TRIM8: variants seen among roughly 807,000 people sequenced by gnomAD.
TRIM8 encodes the protein tripartite motif containing 8, also known as E3 ubiquitin-protein ligase TRIM8.
In TRIM8, 9 loss-of-function variants were observed where a neutral mutation model predicts 55.7. The ratio of observed to expected loss-of-function variants is 0.16; its 90% confidence interval spans 0.10 to 0.28. TRIM8 has a LOEUF of 0.28. Ranked by LOEUF, TRIM8 falls within the 10% of genes least tolerant of loss-of-function variation. The pLI is 1.00. For synonymous variants in TRIM8, 335 were observed against 333.3 expected (o/e 1.01, Z -0.06); for missense variants, 556 against 736.4 (o/e 0.76, Z 2.83).
intron 1 of TRIM8, among the ~76,000 whole-genome samples, chr10:102,647,601 G>A (rs938219611): frequency 5.3e-5 from 8 of 151,970 alleles, no homozygotes; most frequent in Non-Finnish European, 1.2e-4. Context: ...AGGCCAAACA[G>A]GGGGAGTGGG....
At chr10:102,651,172 G>A (rs761717456) in intron 1 of TRIM8, among the ~76,000 whole-genome samples, 1 of 152,234 alleles carries the variant, frequency 6.6e-6, no homozygotes, top group Non-Finnish European at 1.5e-5. Context: ...CAGCAGGAGG[G>A]GGAAATGAAA....
intron 2 of TRIM8, 116 bp downstream of exon 2, chr10:102,654,864 A>C (rs2064010804): frequency 1.0e-6 from 1 of 956,418 alleles, no homozygotes; most frequent in Non-Finnish European, 1.7e-6. Context: ...TCCATCAGTC[A>C]TTCAATCAAC....
Position 102,656,520 on chromosome 10 carries a change from C to T in TRIM8, c.1048+135C>T, listed in dbSNP as rs2064026477. 1 of 1,410,348 alleles carries T rather than the reference C, an allele frequency of 7.1e-7. No individual in the cohort carries two copies. The highest frequency in any genetic ancestry group is 9.5e-7 in the Non-Finnish European group (1 of 1,054,142). The allele number at this position is 1,410,348 out of a possible 1,614,324, so 87.4% of individuals were successfully genotyped here. ...CATATCCAGGCTTTGCCACTTGTAG[C>T]TGTGGGACAGTGGGTAAGCAACATG... On this transcript the variant is annotated intron_variant, in intron 5 of 5. Transcript: ENST00000643721. The surrounding 1 kb of genome is among the most constrained non-coding windows in gnomAD (Gnocchi z 4.6).
At chr10:102,654,515 G>T in intron 1 of TRIM8, 138 bp from the exon 2 acceptor site, 1 of 727,660 alleles carries the variant, frequency 1.4e-6, no homozygotes, top group Non-Finnish European at 2.5e-6. Context: ...GATTGGAGGG[G>T]GCCAAAGGGG....
chr10:102,657,177 T>A lies in TRIM8; in HGVS notation c.1479T>A (p.Phe493Leu), dbSNP rs2064033209. ...AGCCCTACCCCCGCTCCGGCCACTT[T>A]CCCTGGACAGTGCCCTCGCAGGAGT... ...GHQPYPRSGHFPWTVPSQEYS... is the reference protein window; with the variant it reads ...GHQPYPRSGHLPWTVPSQEYS... The change falls in exon 6 of 6, where the codon TTT becomes TTA. Residue 493 changes from phenylalanine (F) to leucine (L), a missense_variant. By Grantham distance (22) the Phe-to-Leu change is conservative (BLOSUM62 0). Around this residue, in one of 2 missense-constraint regions of TRIM8, gnomAD observed 391 missense variants for 441.0 expected, o/e 0.89. Transcript: ENST00000643721. 1 of 1,613,768 alleles carries A rather than the reference T, an allele frequency of 6.2e-7. No individual in the cohort carries two copies. The highest frequency in any genetic ancestry group is 8.5e-7 in the Non-Finnish European group (1 of 1,179,940).
intron 1 of TRIM8, chr10:102,645,965 GGA>G (rs1239531984): frequency 6.6e-6 from 1 of 152,266 alleles, no homozygotes; most frequent in African/African-American, 2.4e-5. Context: ...AGTGGAAGAC[GGA>G]AAAAGAATCC....
rs776116049 is a variant in TRIM8 at position 102,654,713 on chromosome 10, C to A, written c.631C>A (p.Leu211Met). The change falls in exon 2 of 6, where the codon CTG becomes ATG. Residue 211 changes from leucine (L) to methionine (M), a missense_variant. By Grantham distance (15) the Leu-to-Met change is conservative. Coordinates refer to ENST00000643721, the MANE Select transcript of TRIM8 (RefSeq NM_030912.3). ...GCGAGAGCAGGACATTGAGGACCAG[C>A]TGTACAAACTCGAGTCAGACAAGCG... ...EEREQDIEDQLYKLESDKRLV... is the reference protein window; with the variant it reads ...EEREQDIEDQMYKLESDKRLV... The A allele has an allele frequency of 2.5e-5, 41 of 1,614,052 alleles. No individual in the cohort carries two copies. Among genetic ancestry groups the A allele is most frequent in the Admixed American group, 2.5e-4 (15 of 60,006 alleles).
Position 102,644,762 on chromosome 10 carries a change from C to T in TRIM8, c.145C>T (p.Leu49Phe). The change falls in exon 1 of 6, where the codon CTC (leucine) becomes TTC (phenylalanine). Residue 49 changes from leucine (L) to phenylalanine (F), a missense_variant. By Grantham distance (22) the Leu-to-Phe change is conservative. Transcript: ENST00000643721. ...IGEAWAKDSGLVRCPECNQAY... is the reference protein window; with the variant it reads ...IGEAWAKDSGFVRCPECNQAY... ...CGAGGCGTGGGCCAAGGACAGCGGC[C>T]TCGTACGCTGCCCAGAGTGCAACCA... The T allele has an allele frequency of 6.2e-7, 1 of 1,613,254 alleles. No individual in the cohort carries two copies. Among genetic ancestry groups the T allele is most frequent in the Non-Finnish European group, 8.5e-7 (1 of 1,179,848 alleles).
At chr10:102,655,027 C>G in intron 2 of TRIM8, 53 bp from the exon 3 acceptor site, 3 of 1,593,904 alleles carry the variant, frequency 1.9e-6, no homozygotes, top group Admixed American at 1.7e-5. Context: ...GGGGGGAAAC[C>G]AAAGGTTTCC....
In TRIM8 at chr10:102,656,685, G is replaced by T; in HGVS notation, c.1049-62G>T. 6.6e-7 allele frequency: 1 copy of T among 1,505,416 alleles called. No homozygotes were observed. 93.3% of individuals were successfully genotyped at this position (1,505,416 alleles called of 1,614,324 possible). A position where few individuals can be genotyped will look rare whatever the true frequency, so the allele number is the denominator to read the frequency against. On this transcript the variant is annotated intron_variant, in intron 5 of 5. Transcript: ENST00000643721. The surrounding 1 kb of genome is among the most constrained non-coding windows in gnomAD (Gnocchi z 4.6). ...CAATGGTCCCCAGGTCCAACCCAGG[G>T]AGAGGAGGCCTGGGTTGCTTGGGGT...
Position 102,644,672 on chromosome 10 carries a change from C to T in TRIM8, c.55C>T (p.Leu19=). The change falls in exon 1 of 6, where the codon CTG becomes TTG. Residue 19 remains leucine (L), a synonymous_variant. Coordinates refer to ENST00000643721, the MANE Select transcript of TRIM8 (RefSeq NM_030912.3). ...FEEELICPIC[L]HVFVEPVQLP... is the part of the protein sequence containing the mutation. ...GGAGGAGCTCATCTGCCCTATCTGCCTGCACGTTTTCGTGGAGCCAGTGCA... is the reference window on the plus strand; with the variant it reads ...GGAGGAGCTCATCTGCCCTATCTGCTTGCACGTTTTCGTGGAGCCAGTGCA... 6.2e-7 allele frequency: 1 copy of T among 1,613,538 alleles called. No homozygotes were observed.
rs778218418 is a variant in TRIM8, at chr10:102,656,058, C to G, written c.901-48C>G. On this transcript the variant is annotated intron_variant, in intron 3 of 5. Coordinates refer to ENST00000643721, the MANE Select transcript of TRIM8 (RefSeq NM_030912.3). The surrounding 1 kb of genome is among the most constrained non-coding windows in gnomAD (Gnocchi z 4.6). The stretch of plus-strand genomic sequence containing the variant: ...TTGTCTTCCCCTCTCCCCGGGCTCT[C>G]CCTGGACTGCCTTTTCCACTGACTT... 1 of 819,516 alleles carries G rather than the reference C, an allele frequency of 1.2e-6. No individual in the cohort carries two copies. Among genetic ancestry groups the G allele is most frequent in the East Asian group, 3.0e-5 (1 of 33,418 alleles). The allele number at this position is 819,516 out of a possible 1,614,324, so 50.8% of individuals were successfully genotyped here. A position where few individuals can be genotyped will look rare whatever the true frequency, so the allele number is the denominator to read the frequency against.
At chr10:102,654,841 A>C (rs878984174) in intron 2 of TRIM8, 93 bp downstream of exon 2, 1 of 1,044,726 alleles carries the variant, frequency 9.6e-7, no homozygotes, top group Non-Finnish European at 1.5e-6. Context: ...GTGTAGCCCT[A>C]TGCCAGAACC....
rs530070640 is a variant in TRIM8 at position 102,645,199 on chromosome 10, A to ACGCGCG, written c.570+20_570+25dup. ...GGAATGAAATCCGGGCAAGTACCCT[A>ACGCGCG]CGCGCGCGCGCGCACACACACACAC... On this transcript the variant is annotated intron_variant, in intron 1 of 5. Coordinates refer to ENST00000643721, the MANE Select transcript of TRIM8 (RefSeq NM_030912.3). 2.6e-6 allele frequency: 4 copies of ACGCGCG among 1,513,948 alleles called. No individual in the cohort carries two copies. Among genetic ancestry groups the ACGCGCG allele is most frequent in the Admixed American group, 4.1e-5 (2 of 49,330 alleles). The allele number at this position is 1,513,948 out of a possible 1,614,324, so 93.8% of individuals were successfully genotyped here. A position where few individuals can be genotyped will look rare whatever the true frequency, so the allele number is the denominator to read the frequency against.
At position 102,656,797 on chromosome 10, in the gene TRIM8, T is replaced by C. The variant is rs1293315372; in HGVS notation, c.1099T>C (p.Cys367Arg). 1 of 1,520,358 alleles carries C rather than the reference T, an allele frequency of 6.6e-7. No homozygotes were observed. Among genetic ancestry groups the C allele is most frequent in the Non-Finnish European group, 8.8e-7 (1 of 1,135,208 alleles). 94.2% of individuals were successfully genotyped at this position (1,520,358 alleles called of 1,614,324 possible). A position where few individuals can be genotyped will look rare whatever the true frequency, so the allele number is the denominator to read the frequency against. ...CCTGCAGAGTGTCCCCCTGTACCCT[T>C]GCGGCGTGAGCAGCTCTGGGGCGGA... is the stretch of plus-strand genomic sequence containing the variant. ...PFLQSVPLYP[C>R]GVSSSGAEKR... Residue 367 changes from cysteine to arginine, a missense_variant, in exon 6 of 6, where the codon TGC becomes CGC. Coordinates refer to ENST00000643721, the MANE Select transcript of TRIM8 (RefSeq NM_030912.3). This position sits in a 1 kb window ranked among gnomAD's most constrained non-coding sequence, Gnocchi z 4.6.
intron 1 of TRIM8, among the ~76,000 whole-genome samples, chr10:102,648,347 G>A (rs565079642): frequency 1.2e-4 from 18 of 152,296 alleles, no homozygotes; most frequent in African/African-American, 4.3e-4. Flanking sequence ...GCAGGTATGT[G>A]GTGCGTATGT....
Position 102,645,161 on chromosome 10 carries a change from G to C in TRIM8, c.544G>C (p.Val182Leu), listed in dbSNP as rs777128864. 4.5e-6 allele frequency: 7 copies of C among 1,559,210 alleles called. No homozygotes were observed. The highest frequency in any genetic ancestry group is 5.2e-6 in the Non-Finnish European group (6 of 1,159,858). The stretch of plus-strand genomic sequence containing the variant: ...GCATCAGGGACACTCGGTGTGCGAC[G>C]TGGAGATCCGAAGGAATGAAATCCG... The part of the protein sequence containing the change: ...GAHQGHSVCD[V>L]EIRRNEIRKM... Residue 182 changes from valine (V) to leucine (L), a missense_variant, in exon 1 of 6, where the codon GTG (valine) becomes CTG (leucine). Val to Leu is a conservative substitution (Grantham distance 32). Transcript: ENST00000643721.
intron 1 of TRIM8, among the ~76,000 whole-genome samples, chr10:102,649,734 G>A (rs2063965274): frequency 2.0e-5 from 3 of 152,344 alleles, no homozygotes; most frequent in Admixed American, 2.0e-4. Flanking sequence ...CTGCCCTGGA[G>A]CCCCTTCCCT....
At position 102,657,341 on chromosome 10, in the gene TRIM8, A is replaced by G. The variant is rs1564722890; in HGVS notation, c.1643A>G (p.Tyr548Cys). ...RVYGQPSTKHYVTS is the reference protein window; with the variant it reads ...RVYGQPSTKHCVTS ...TATGGGCAGCCGTCCACCAAACACT[A>G]CGTGACGAGCTAACGCCACGCAGGC... is the stretch of plus-strand genomic sequence containing the variant. The change falls in exon 6 of 6, where the codon TAC becomes TGC. Residue 548 changes from tyrosine to cysteine, a missense_variant. This residue lies in a region of TRIM8 where 391 missense variants were observed against 441.0 expected (regional missense o/e 0.89). Coordinates refer to ENST00000643721, the MANE Select transcript of TRIM8 (RefSeq NM_030912.3). The G allele has an allele frequency of 1.9e-6, 3 of 1,579,586 alleles. No homozygotes were observed. Among genetic ancestry groups the G allele is most frequent in the Admixed American group, 1.8e-5 (1 of 56,138 alleles).
Sources: allele counts gnomAD v4.1 joint callset (sites outside exome capture counted in the v4.1 genomes callset), GRCh38; gene constraint gnomAD v4.1.1; regional missense constraint gnomAD v4.1.1; non-coding constraint Gnocchi (gnomAD v3.1); transcripts MANE v1.5; gene names NCBI Gene and HGNC (gene_info 2026-07-23, HGNC 2026-07-21).